The following DAB2IP variants were observed in gnomAD, a reference collection of about 807,000 sequenced individuals.
DAB2IP encodes the protein disabled homolog 2-interacting protein.
A neutral mutation model predicts 107.2 loss-of-function variants in DAB2IP; 28 were observed. That is an observed-to-expected ratio of 0.26 (90% CI 0.19 to 0.36). The LOEUF (loss-of-function observed/expected upper bound fraction) is 0.36, where lower values mean the gene tolerates loss of function less well. Among genes scored for constraint, DAB2IP ranks in the 10% least tolerant of loss-of-function variants. DAB2IP has a pLI of 1.00. For synonymous variants in DAB2IP, 755 were observed against 706.4 expected, an observed-to-expected ratio of 1.07 and a Z score of -1.09; for missense variants, 1,400 against 1,644.7, an observed-to-expected ratio of 0.85 and a Z score of 2.57.
chr9:121,777,630 AG>A (rs1835297128), intron 14 of DAB2IP, among the ~76,000 whole-genome samples: 1 of 152,248 alleles, frequency 6.6e-6, no homozygotes. Flanking sequence ...TTAGGTAGAT[AG>A]TGTTCAAGTA....
chr9:121,711,199 G>A (rs1418457975), intron 3 of DAB2IP, among the ~76,000 whole-genome samples: 2 of 152,136 alleles, frequency 1.3e-5, no homozygotes, highest in African/African-American at 4.8e-5. Flanking sequence ...CCCGAACTGG[G>A]TTCCATGGAA....
At chr9:121,582,624 C>T (rs550693885) in intron 1 of DAB2IP, among the ~76,000 whole-genome samples, 5 of 152,190 alleles carry the variant, frequency 3.3e-5, no homozygotes, top group Non-Finnish European at 7.4e-5. Context: ...GGCAGCTTAC[C>T]TCGTCCCACT....
In DAB2IP at chr9:121,586,727, G is replaced by A. The variant is rs147945921; in HGVS notation, c.40+19499G>A. Among the ~76,000 whole-genome samples the A allele has an allele frequency of 8.3e-3, 1,263 of 152,136 alleles. 25 individuals carry two copies. The highest frequency in any genetic ancestry group is 0.029 in the African/African-American group (1,201 of 41,494). ...CCCAGCTACTTGGGAGTCTGAGGTG[G>A]GAGGATCGCTTTAGCCTGGGAGGTG... is the stretch of plus-strand genomic sequence containing the variant. On this transcript the variant is annotated intron_variant, in intron 1 of 16. Transcript: ENST00000259371.
Position 121,653,820 on chromosome 9 carries a change from A to G in DAB2IP, c.124+1921A>G, listed in dbSNP as rs541514044. On this transcript the variant is annotated intron_variant, in intron 1 of 15. Coordinates refer to ENST00000408936, the Ensembl canonical transcript of DAB2IP. ...ACCTGAGCCCCAGCTCCCAGACCCC[A>G]CATACACAGGATCACTGCTTGTGTC... is the stretch of plus-strand genomic sequence containing the variant. Among the ~76,000 whole-genome samples the G allele has an allele frequency of 4.6e-5, 7 of 152,286 alleles. No individual in the cohort carries two copies. The East Asian group carries it at 1.4e-3, about 29-fold the overall frequency.
rs893072016 is a variant in DAB2IP, at chr9:121,702,638, A to G, written c.362+3180A>G. Among the ~76,000 whole-genome samples, 1 of 152,194 alleles carries G rather than the reference A, an allele frequency of 6.6e-6. No homozygotes were observed. The highest frequency in any genetic ancestry group is 1.5e-5 in the Non-Finnish European group (1 of 68,042). On this transcript the variant is annotated intron_variant, in intron 3 of 15. Transcript: ENST00000408936. This position sits in a 1 kb window ranked among gnomAD's most constrained non-coding sequence, Gnocchi z 4.5. ...GCCGGCAAAAGCATTTTCATTTTGCACACTGGAAATGCTGCTGCTTCATTT... is the reference window on the plus strand; with the variant it reads ...GCCGGCAAAAGCATTTTCATTTTGCGCACTGGAAATGCTGCTGCTTCATTT...
intron 1 of DAB2IP, among the ~76,000 whole-genome samples, chr9:121,644,941 A>T (rs1402081945): frequency 6.6e-6 from 1 of 152,204 alleles, no homozygotes; most frequent in African/African-American, 2.4e-5. Context: ...CCTCCCCTGG[A>T]ACCCAGGCCA....
intron 2 of DAB2IP, among the ~76,000 whole-genome samples, chr9:121,679,951 C>T (rs533310004): frequency 1.4e-3 from 207 of 152,340 alleles, no homozygotes; most frequent in Non-Finnish European, 2.2e-3. Flanking sequence ...AGGGCTGGCT[C>T]CTCATCCCTT....
At chr9:121,671,830 G>A (rs117533546) in intron 1 of DAB2IP, among the ~76,000 whole-genome samples, 4,719 of 152,190 alleles carry the variant, frequency 0.031, 121 homozygotes, top group Middle Eastern at 0.078. Context: ...TTCCCCTATT[G>A]GTGGACATTT....
chr9:121,699,427 A>G lies in DAB2IP; in HGVS notation c.331A>G (p.Ser111Gly). The stretch of plus-strand genomic sequence containing the variant: ...CCGCCACATCCTGCCGGGGTTCCGG[A>G]GCGCCGCCGCCGCCGCCGCGGACAA... The change falls in exon 3 of 16, where the codon AGC (serine) becomes GGC (glycine). Residue 111 changes from serine to glycine, a missense_variant. Transcript: ENST00000408936. The surrounding 1 kb of genome is among the most constrained non-coding windows in gnomAD (Gnocchi z 6.2). 2 of 1,455,598 alleles carry G rather than the reference A, an allele frequency of 1.4e-6. No individual in the cohort carries two copies. The highest frequency in any genetic ancestry group is 1.3e-5 in the South Asian group (1 of 75,156). 90.2% of individuals were successfully genotyped at this position (1,455,598 alleles called of 1,614,324 possible).
chr9:121,716,545 T>C (rs1437021470), intron 3 of DAB2IP, among the ~76,000 whole-genome samples: 2 of 152,232 alleles, frequency 1.3e-5, no homozygotes, highest in Non-Finnish European at 2.9e-5. Context: ...ATAATTCTGC[T>C]TAGTTCTTCA....
chr9:121,616,875 A>G (rs1035151879), intron 1 of DAB2IP, among the ~76,000 whole-genome samples: 1 of 152,152 alleles, frequency 6.6e-6, no homozygotes, highest in Non-Finnish European at 1.5e-5. Flanking sequence ...GGGCAGACCG[A>G]GGTACTGGCT....
At chr9:121,641,237 G>A (rs1354240765) in intron 1 of DAB2IP, among the ~76,000 whole-genome samples, 1 of 152,210 alleles carries the variant, frequency 6.6e-6, no homozygotes, top group Non-Finnish European at 1.5e-5. Flanking sequence ...TTCCCAGGAT[G>A]GGGGCAGAGC....
intron 3 of DAB2IP, among the ~76,000 whole-genome samples, chr9:121,730,341 T>A (rs1011208749): frequency 6.6e-6 from 1 of 152,246 alleles, no homozygotes. Context: ...CTATATTTGC[T>A]GTGCTCAGCT....
In DAB2IP at chr9:121,776,119, CCTTCCTCCCACT is replaced by C. The variant is rs1835181619; in HGVS notation, c.3121-77_3121-66del. The C allele has an allele frequency of 4.0e-6, 6 of 1,503,852 alleles. No individual in the cohort carries two copies. The highest frequency in any genetic ancestry group is 5.4e-6 in the Non-Finnish European group (6 of 1,115,956). 93.2% of individuals were successfully genotyped at this position (1,503,852 alleles called of 1,614,324 possible). ...CCTTTCAAGTGGGGCTCCCTCCTACCCTTCCTCCCACTCGGGCTGACGAAGCTGTGCTCTCTG... is the reference window on the plus strand; with the variant it reads ...CCTTTCAAGTGGGGCTCCCTCCTACCCGGGCTGACGAAGCTGTGCTCTCTG... On this transcript the variant is annotated intron_variant, in intron 13 of 15. Coordinates refer to ENST00000408936, the Ensembl canonical transcript of DAB2IP. This position sits in a 1 kb window ranked among gnomAD's most constrained non-coding sequence, Gnocchi z 5.4.
Position 121,702,283 on chromosome 9 carries a change from A to G in DAB2IP, c.362+2825A>G, listed in dbSNP as rs1014230626. 4.6e-5 allele frequency among the ~76,000 whole-genome samples: 7 copies of G among 152,082 alleles called. 1 individual carries two copies. Among genetic ancestry groups the G allele is most frequent in the African/African-American group, 1.7e-4 (7 of 41,392 alleles). On this transcript the variant is annotated intron_variant, in intron 3 of 15. Transcript: ENST00000408936. The surrounding 1 kb of genome is among the most constrained non-coding windows in gnomAD (Gnocchi z 4.5). ...CTGGGATTTTTTTGGCTCCCTGGAA[A>G]AGGAGTCGGTTTCAGGGGTGGGGAT...
intron 1 of DAB2IP, among the ~76,000 whole-genome samples, chr9:121,675,691 C>T (rs1373480649): frequency 6.6e-6 from 1 of 152,168 alleles, no homozygotes. Context: ...TGCTCAGTAG[C>T]CCTGTGACCT....
intron 3 of DAB2IP, among the ~76,000 whole-genome samples, chr9:121,727,340 T>C (rs1202485694): frequency 6.6e-6 from 1 of 152,224 alleles, no homozygotes; most frequent in Non-Finnish European, 1.5e-5. Context: ...CTCTGTCAAA[T>C]GGGGACAAAA....
At chr9:121,574,980 C>G (rs1830023800) in intron 1 of DAB2IP, 1 of 152,402 alleles carries the variant, frequency 6.6e-6, no homozygotes, top group Admixed American at 6.5e-5. Context: ...GCCTGAGCAG[C>G]TGGCCTCATA....
chr9:121,661,994 A>G (rs1833229342), intron 1 of DAB2IP, among the ~76,000 whole-genome samples: 1 of 148,354 alleles, frequency 6.7e-6, no homozygotes, highest in African/African-American at 2.6e-5. Flanking sequence ...AAAAAAAAAC[A>G]AAAAAACCCA....
Sources: gnomAD v4.1 joint callset for allele counts (sites outside exome capture counted in the v4.1 genomes callset) on GRCh38, gnomAD v4.1.1 for gene constraint, Gnocchi (gnomAD v3.1) non-coding constraint, MANE v1.5 for transcripts, NCBI Gene and HGNC (gene_info 2026-07-23, HGNC 2026-07-21) for gene names.